Variants in GPC5 observed in about 807,000 individuals in gnomAD.
GPC5 encodes glypican 5.
A neutral mutation model predicts 53.9 loss-of-function variants in GPC5; 47 were observed. The observed-to-expected ratio is 0.87, with a 90% CI of 0.69 to 1.11. The LOEUF is 1.11. GPC5 is among the 50% of genes most tolerant of loss of function. The pLI, the probability that GPC5 is intolerant of heterozygous loss-of-function variation, is 0.00. For missense variants in GPC5, 748 were observed against 713.1 expected (o/e 1.05, Z -0.56); for synonymous variants, 286 against 263.3 (o/e 1.09, Z -0.84).
rs1876724160 is a variant in GPC5 at position 92,424,352 on chromosome 13, A to G, written c.1561+279363A>G. Among the ~76,000 whole-genome samples the G allele has an allele frequency of 2.0e-5, 3 of 152,222 alleles. No homozygotes were observed. In the East Asian group the frequency reaches 5.8e-4, roughly 29 times the overall value. On this transcript the variant is annotated intron_variant, in intron 7 of 7. Coordinates refer to ENST00000377067, the MANE Select transcript of GPC5 (RefSeq NM_004466.6). The stretch of plus-strand genomic sequence containing the variant: ...ATAAGTGATTTTATTACCTTTGAGC[A>G]AAGATATTTAATTTAATCCAATTAA...
chr13:92,603,597 A>C (rs1162207024), intron 7 of GPC5, among the ~76,000 whole-genome samples: 1 of 152,204 alleles, frequency 6.6e-6, no homozygotes, highest in East Asian at 1.9e-4. Flanking sequence ...CAGGAATATT[A>C]TGGGCTGGAT....
chr13:92,788,771 C>A (rs1876351993), intron 7 of GPC5, among the ~76,000 whole-genome samples: 2 of 152,240 alleles, frequency 1.3e-5, no homozygotes, highest in South Asian at 4.1e-4. Flanking sequence ...CAGGAGTGGG[C>A]AGATAAAGTC....
chr13:91,415,677 T>C lies in GPC5; in HGVS notation c.163+16468T>C, dbSNP rs111936323. On this transcript the variant is annotated intron_variant, in intron 1 of 7. Coordinates refer to ENST00000377067, the MANE Select transcript of GPC5 (RefSeq NM_004466.6). ...TTGTGAATTTAGAGAAATTTAACTA[T>C]ATTGAACAAAAGTTTTCATTTATAA... 7.4e-4 allele frequency among the ~76,000 whole-genome samples: 108 copies of C among 145,018 alleles called. No homozygotes were observed. The Middle Eastern group carries it at 0.025, about 33-fold the overall frequency.
chr13:92,473,632 G>A (rs1594231909), intron 7 of GPC5, among the ~76,000 whole-genome samples: 1 of 152,052 alleles, frequency 6.6e-6, no homozygotes, highest in African/African-American at 2.4e-5. Context: ...TTAAAATGAT[G>A]TGAATATTTA....
At chr13:92,814,049 C>G (rs1877382198) in intron 7 of GPC5, among the ~76,000 whole-genome samples, 1 of 151,892 alleles carries the variant, frequency 6.6e-6, no homozygotes, top group South Asian at 2.1e-4. Flanking sequence ...ATGAAAGGAA[C>G]AGAATTAAGT....
chr13:92,180,238 G>A, intron 7 of GPC5, among the ~76,000 whole-genome samples: 1 of 152,150 alleles, frequency 6.6e-6, no homozygotes, highest in East Asian at 1.9e-4. Flanking sequence ...TTTGTTTAAG[G>A]CTGCAGTTTA....
In GPC5 at chr13:92,506,201, G is replaced by A. The variant is rs147603209; in HGVS notation, c.1562-360081G>A. Among the ~76,000 whole-genome samples, 312 of 152,154 alleles carry A rather than the reference G, an allele frequency of 2.1e-3. 1 individual carries two copies. The highest frequency in any genetic ancestry group is 7.4e-3 in the African/African-American group (306 of 41,518). On this transcript the variant is annotated intron_variant, in intron 7 of 7. Coordinates refer to ENST00000377067, the MANE Select transcript of GPC5 (RefSeq NM_004466.6). The stretch of plus-strand genomic sequence containing the variant: ...TAGTAAAAAGCTTGGAAGATGAGCT[G>A]CATGAAAATGCAAAATAAAGGCTGT...
At chr13:92,716,055 A>C (rs906490459) in intron 7 of GPC5, among the ~76,000 whole-genome samples, 6 of 152,200 alleles carry the variant, frequency 3.9e-5, no homozygotes, top group African/African-American at 1.4e-4. Context: ...AGAAATATCC[A>C]TGATATAAGA....
chr13:92,351,360 T>C (rs2043475835), intron 7 of GPC5, among the ~76,000 whole-genome samples: 1 of 151,752 alleles, frequency 6.6e-6, no homozygotes, highest in Non-Finnish European at 1.5e-5. Flanking sequence ...TCAGAATCGA[T>C]TTCTACTTAA....
intron 7 of GPC5, among the ~76,000 whole-genome samples, chr13:92,461,833 A>G (rs1878493574): frequency 6.6e-6 from 1 of 152,176 alleles, no homozygotes; most frequent in African/African-American, 2.4e-5. Flanking sequence ...AGAAATAAAC[A>G]TTTGTTGTTT....
intron 5 of GPC5, among the ~76,000 whole-genome samples, chr13:91,832,932 CA>C (rs1174156443): frequency 6.6e-6 from 1 of 151,708 alleles, no homozygotes; most frequent in East Asian, 1.9e-4. Flanking sequence ...AAAAACCCTT[CA>C]AAAAAATCAA....
intron 2 of GPC5, among the ~76,000 whole-genome samples, chr13:91,598,286 T>C (rs552042938): frequency 6.6e-5 from 10 of 152,020 alleles, no homozygotes; most frequent in African/African-American, 2.2e-4. Context: ...CGATGCACTT[T>C]TTATATTGTG....
intron 4 of GPC5, among the ~76,000 whole-genome samples, chr13:91,745,731 GA>G (rs34705780): frequency 0.024 from 3,609 of 152,000 alleles, 141 homozygotes; most frequent in African/African-American, 0.081. Context: ...TGCTCTTTTG[GA>G]AAAAAAATTT....
intron 7 of GPC5, among the ~76,000 whole-genome samples, chr13:92,525,753 C>A (rs901997754): frequency 2.6e-5 from 4 of 151,984 alleles, no homozygotes; most frequent in African/African-American, 9.7e-5. Context: ...AGGGAGCTCA[C>A]TTCTGGCACT....
chr13:92,820,226 CTT>C (rs1392845357), intron 7 of GPC5, among the ~76,000 whole-genome samples: 1 of 152,188 alleles, frequency 6.6e-6, no homozygotes, highest in Non-Finnish European at 1.5e-5. Flanking sequence ...TCTCTTAACT[CTT>C]TGTCAGTTAA....
intron 5 of GPC5, among the ~76,000 whole-genome samples, chr13:91,905,710 T>G (rs186073569): frequency 6.6e-6 from 1 of 152,218 alleles, no homozygotes; most frequent in East Asian, 1.9e-4. Flanking sequence ...TTTATTTTCT[T>G]CAAAGATTTT....
intron 6 of GPC5, among the ~76,000 whole-genome samples, chr13:91,912,377 T>G (rs1000693285): frequency 6.6e-6 from 1 of 151,852 alleles, no homozygotes; most frequent in Non-Finnish European, 1.5e-5. Flanking sequence ...CAAAGAATAA[T>G]GAATGCTCAT....
At chr13:92,131,991 A>G (rs1032260366) in intron 6 of GPC5, among the ~76,000 whole-genome samples, 9 of 152,160 alleles carry the variant, frequency 5.9e-5, no homozygotes, top group Non-Finnish European at 1.0e-4. Flanking sequence ...TTATTTTTAT[A>G]TCCATACACT....
At chr13:92,330,737 A>G (rs911591286) in intron 7 of GPC5, among the ~76,000 whole-genome samples, 1 of 152,132 alleles carries the variant, frequency 6.6e-6, no homozygotes, top group Non-Finnish European at 1.5e-5. Context: ...GAAGCTAGAG[A>G]TAACATATTT....
Sources: allele counts gnomAD v4.1 joint callset (sites outside exome capture counted in the v4.1 genomes callset), GRCh38; gene constraint gnomAD v4.1.1; transcripts MANE v1.5; gene names NCBI Gene and HGNC (gene_info 2026-07-23, HGNC 2026-07-21).